The following DCHS2 variants were observed in gnomAD, a reference collection of about 807,000 sequenced individuals.
DCHS2 encodes protocadherin-23.
A neutral mutation model predicts 182.4 loss-of-function variants in DCHS2; 142 were observed. That is an observed-to-expected ratio of 0.78 (90% CI 0.68 to 0.89). The LOEUF (loss-of-function observed/expected upper bound fraction) is 0.89, where lower values mean the gene tolerates loss of function less well. Among genes scored for constraint, DCHS2 ranks in the 40% least tolerant of loss-of-function variants. The pLI is 0.00. For synonymous variants in DCHS2, 1,740 were observed against 1,663.3 expected, an observed-to-expected ratio of 1.05 and a Z score of -1.12; for missense variants, 4,319 against 4,198.6, an observed-to-expected ratio of 1.03 and a Z score of -0.79.
intron 1 of DCHS2, among the ~76,000 whole-genome samples, chr4:154,461,717 C>T (rs1470119345): frequency 6.6e-6 from 1 of 152,024 alleles, no homozygotes; most frequent in Non-Finnish European, 1.5e-5. Flanking sequence ...AAAGATGTTG[C>T]CTTTTTTTTC....
intron 1 of DCHS2, among the ~76,000 whole-genome samples, chr4:154,456,264 G>A (rs1734761573): frequency 6.6e-6 from 1 of 152,100 alleles, no homozygotes. Context: ...TCTCTCAGGG[G>A]CTGTGAGATT....
In DCHS2 at chr4:154,357,193, C is replaced by A. The variant is rs375359719; in HGVS notation, c.2476+9017G>T. On this transcript the variant is annotated intron_variant, in intron 3 of 19. Coordinates refer to ENST00000357232, the MANE Select transcript of DCHS2 (RefSeq NM_001358235.2). ...TTTTGGTGAATGCTTCTGACTCTGG[C>A]TTTTTTGGAGAAGGCTAACCTCTAC... The A allele has an allele frequency of 2.4e-5, 36 of 1,517,644 alleles. No homozygotes were observed. In the African/African-American group the frequency reaches 4.9e-4, roughly 21 times the overall value. The allele number at this position is 1,517,644 out of a possible 1,614,324, so 94.0% of individuals were successfully genotyped here.
chr4:154,384,490 TG>T, intron 1 of DCHS2: 1 of 1,567,992 alleles, frequency 6.4e-7, no homozygotes, highest in Non-Finnish European at 8.6e-7. Context: ...GACTGAATGC[TG>T]GCCTCCAAAA....
chr4:154,254,897 G>A (rs1560987444), intron 16 of DCHS2, among the ~76,000 whole-genome samples: 1 of 152,036 alleles, frequency 6.6e-6, no homozygotes, highest in Non-Finnish European at 1.5e-5. Flanking sequence ...CTATCTCTCT[G>A]TATAAGTCTA....
chr4:154,235,515 G>C lies in DCHS2; in HGVS notation c.9137C>G (p.Ala3046Gly). 1 of 1,614,048 alleles carries C rather than the reference G, an allele frequency of 6.2e-7. No homozygotes were observed. Among genetic ancestry groups the C allele is most frequent in the Non-Finnish European group, 8.5e-7 (1 of 1,179,952 alleles). The change falls in exon 20 of 20, where the codon GCC becomes GGC. Residue 3046 changes from alanine to glycine, a missense_variant. Transcript: ENST00000357232. ...TTTCTGGAAGGCTTTGAGCACACTG[G>C]CATCCCGGGTCACTCTCAAGTCCGC... ...LDADLRVTRD[A>G]SVLKAFQKTD...
intron 1 of DCHS2, among the ~76,000 whole-genome samples, chr4:154,457,843 G>A (rs1026951673): frequency 6.6e-5 from 10 of 152,072 alleles, no homozygotes; most frequent in South Asian, 2.1e-4. Context: ...CATTTTTAAC[G>A]AGTTCTCTGG....
At chr4:154,246,781 AAG>A (rs1253058249) in intron 16 of DCHS2, among the ~76,000 whole-genome samples, 1 of 152,068 alleles carries the variant, frequency 6.6e-6, no homozygotes, top group Non-Finnish European at 1.5e-5. Context: ...GAAAATAAAA[AAG>A]AAATTTTAGA....
At chr4:154,267,643 A>G (rs1733345568) in intron 14 of DCHS2, among the ~76,000 whole-genome samples, 1 of 152,058 alleles carries the variant, frequency 6.6e-6, no homozygotes, top group South Asian at 2.1e-4. Flanking sequence ...CTGTCCCTCC[A>G]TGTTTTATGC....
intron 16 of DCHS2, among the ~76,000 whole-genome samples, chr4:154,250,135 G>A (rs1442767106): frequency 1.3e-5 from 2 of 152,120 alleles, no homozygotes; most frequent in African/African-American, 4.8e-5. Flanking sequence ...GGGAGTGGGA[G>A]GGATGCAGTG....
chr4:154,299,853 C>T (rs186321569), intron 12 of DCHS2, among the ~76,000 whole-genome samples: 1 of 152,104 alleles, frequency 6.6e-6, no homozygotes, highest in Admixed American at 6.6e-5. Context: ...GGTCAATACT[C>T]GGGTATTAAA....
chr4:154,357,078 A>G (rs959710478), intron 3 of DCHS2: 4 of 585,618 alleles, frequency 6.8e-6, no homozygotes, highest in African/African-American at 1.8e-5. Flanking sequence ...CTTTCTTGAC[A>G]AGCGCTAGTA....
rs184498135 is a variant in DCHS2, at chr4:154,447,691, A to G, written c.2052+41613T>C. 2.5e-3 allele frequency among the ~76,000 whole-genome samples: 379 copies of G among 152,272 alleles called. 2 individuals are homozygous for G. Among genetic ancestry groups the G allele is most frequent in the African/African-American group, 7.3e-3 (303 of 41,550 alleles). On this transcript the variant is annotated intron_variant, in intron 1 of 19. Coordinates refer to ENST00000357232, the MANE Select transcript of DCHS2 (RefSeq NM_001358235.2). ...AAGAGGGCTTTAATAACAATATTCA[A>G]CTGCAGTCCTGATGTGGTGCTGTCT... is the stretch of plus-strand genomic sequence containing the variant.
intron 13 of DCHS2, among the ~76,000 whole-genome samples, chr4:154,271,980 C>CT (rs2111209423): frequency 6.6e-6 from 1 of 152,218 alleles, no homozygotes; most frequent in East Asian, 1.9e-4. Flanking sequence ...GATCTGCTTT[C>CT]TATAAGTCTA....
intron 5 of DCHS2, chr4:154,331,796 T>TC: frequency 1.4e-6 from 2 of 1,452,418 alleles, no homozygotes; most frequent in African/African-American, 2.8e-5. Context: ...GTTTCAGTTT[T>TC]CCCGGGTATG....
rs147038002 is a variant in DCHS2, at chr4:154,322,408, G to T, written c.4099C>A (p.Pro1367Thr). The T allele has an allele frequency of 3.7e-6, 6 of 1,613,666 alleles. No homozygotes were observed. The African/African-American group carries it at 5.3e-5, about 14-fold the overall frequency. Reference protein sequence around the residue: ...TTTILSYDYRPSYRMSVIATD... With the variant: ...TTTILSYDYRTSYRMSVIATD... ...GCAATGACACTCATTCTGTAGGAAGGTCTATAATCATACGAAAGTATTGTG... is the reference window on the plus strand; with the variant it reads ...GCAATGACACTCATTCTGTAGGAAGTTCTATAATCATACGAAAGTATTGTG... Residue 1367 changes from proline to threonine, a missense_variant, in exon 8 of 20, where the codon CCT (proline) becomes ACT (threonine). Coordinates refer to ENST00000357232, the MANE Select transcript of DCHS2 (RefSeq NM_001358235.2).
intron 12 of DCHS2, among the ~76,000 whole-genome samples, chr4:154,299,566 G>A (rs1735117824): frequency 6.6e-6 from 1 of 152,184 alleles, no homozygotes; most frequent in South Asian, 2.1e-4. Context: ...GGACCAAGTG[G>A]AATGGCATTC....
intron 3 of DCHS2, among the ~76,000 whole-genome samples, chr4:154,346,985 T>C (rs576757222): frequency 6.6e-6 from 1 of 151,940 alleles, no homozygotes; most frequent in African/African-American, 2.4e-5. Flanking sequence ...ATATTAAAGA[T>C]ACGTCTGTGA....
intron 1 of DCHS2, among the ~76,000 whole-genome samples, chr4:154,442,259 T>C (rs191791054): frequency 6.6e-6 from 1 of 152,244 alleles, no homozygotes; most frequent in East Asian, 1.9e-4. Flanking sequence ...CTGTCTCCCC[T>C]ACGTGACTTT....
chr4:154,353,652 C>T (rs576768625), intron 3 of DCHS2, among the ~76,000 whole-genome samples: 1 of 152,258 alleles, frequency 6.6e-6, no homozygotes, highest in East Asian at 1.9e-4. Context: ...CTTAACAATC[C>T]CTTGGACTTT....
Sources: allele counts gnomAD v4.1 joint callset (sites outside exome capture counted in the v4.1 genomes callset), GRCh38; gene constraint gnomAD v4.1.1; transcripts MANE v1.5; gene names NCBI Gene and HGNC (gene_info 2026-07-23, HGNC 2026-07-21).